The following SCAMP2 variants were observed in gnomAD, a reference collection of about 807,000 sequenced individuals.
SCAMP2 encodes secretory carrier-associated membrane protein 2.
SCAMP2 carries 25 observed loss-of-function variants against 44.1 expected under a neutral mutation model. The ratio of observed to expected loss-of-function variants is 0.57; its 90% CI spans 0.41 to 0.79. SCAMP2 has a LOEUF of 0.79. SCAMP2 is among the 30% of genes least tolerant of loss of function. SCAMP2 has a pLI of 0.00. For synonymous variants in SCAMP2, 156 were observed against 166.0 expected (o/e 0.94, Z 0.46); for missense variants, 355 against 411.0 (o/e 0.86, Z 1.18).
chr15:74,854,703 G>C, intron 1 of SCAMP2, 54 bp from the exon 2 acceptor site: 16 of 1,495,794 alleles, frequency 1.1e-5, no homozygotes, highest in Non-Finnish European at 1.4e-5. Context: ...CGGGCCAGGG[G>C]CCGGCAGGCG....
At chr15:74,871,968 C>A (rs1391435868) in intron 1 of SCAMP2, among the ~76,000 whole-genome samples, 1 of 150,910 alleles carries the variant, frequency 6.6e-6, no homozygotes, top group African/African-American at 2.4e-5. Flanking sequence ...TCACTTGAAC[C>A]CAGGAGGCTG....
chr15:74,872,980 T>A (rs1181687195), intron 1 of SCAMP2: 2 of 478,416 alleles, frequency 4.2e-6, no homozygotes, highest in Middle Eastern at 5.2e-4. Context: ...AAGACCCCAC[T>A]GTCTCCAACA....
chr15:74,869,357 C>T (rs2094894663), intron 1 of SCAMP2, among the ~76,000 whole-genome samples: 1 of 151,990 alleles, frequency 6.6e-6, no homozygotes, highest in Non-Finnish European at 1.5e-5. Context: ...AACAAAAGCA[C>T]AAGATCTGTA....
At chr15:74,850,470 G>T in intron 6 of SCAMP2, 44 bp downstream of exon 6, 1 of 1,586,936 alleles carries the variant, frequency 6.3e-7, no homozygotes, top group South Asian at 1.1e-5. Context: ...TGCTACCTGG[G>T]ATGCCAGCCA....
At chr15:74,849,029 G>A (rs1267775389) in intron 6 of SCAMP2, among the ~76,000 whole-genome samples, 2 of 152,040 alleles carry the variant, frequency 1.3e-5, no homozygotes, top group Admixed American at 6.6e-5. Context: ...ACTCCAGCCT[G>A]GGTGACAGAG....
intron 6 of SCAMP2, among the ~76,000 whole-genome samples, chr15:74,849,977 C>G (rs969940187): frequency 3.9e-5 from 6 of 152,296 alleles, no homozygotes; most frequent in South Asian, 4.1e-4. Flanking sequence ...ATCCCTCTTC[C>G]CAGGGCCTGC....
chr15:74,857,821 C>T (rs1243419582), intron 1 of SCAMP2, among the ~76,000 whole-genome samples: 1 of 152,206 alleles, frequency 6.6e-6, no homozygotes, highest in Non-Finnish European at 1.5e-5. Flanking sequence ...CAGCCATGTG[C>T]ATCTGTGTCT....
intron 7 of SCAMP2, 144 bp downstream of exon 7, chr15:74,848,456 C>G: frequency 1.7e-6 from 1 of 574,938 alleles, no homozygotes; most frequent in Non-Finnish European, 3.1e-6. Flanking sequence ...AGGCCCAAAG[C>G]AGATCCGAGC....
chr15:74,869,204 C>G (rs2064560751), intron 1 of SCAMP2, among the ~76,000 whole-genome samples: 1 of 152,012 alleles, frequency 6.6e-6, no homozygotes, highest in Non-Finnish European at 1.5e-5. Context: ...ATTCCCAAAC[C>G]TATTTGACCA....
intron 1 of SCAMP2, among the ~76,000 whole-genome samples, chr15:74,861,174 A>C (rs2064500815): frequency 6.6e-6 from 1 of 152,136 alleles, no homozygotes; most frequent in Admixed American, 6.6e-5. Context: ...GACTCAACTC[A>C]GGGAAAAATA....
chr15:74,848,741 G>A, intron 6 of SCAMP2, 40 bp from the exon 7 acceptor site: 7 of 1,446,872 alleles, frequency 4.8e-6, no homozygotes, highest in Non-Finnish European at 6.8e-6. Context: ...GAGGGCTTGG[G>A]CTGTGTTCCT....
At chr15:74,869,308 G>C (rs1003374528) in intron 1 of SCAMP2, among the ~76,000 whole-genome samples, 3 of 146,118 alleles carry the variant, frequency 2.1e-5, no homozygotes, top group Non-Finnish European at 4.5e-5. Flanking sequence ...TTCTCCAGTG[G>C]AAAAAAAAAA....
At chr15:74,865,715 G>A (rs552562677) in intron 1 of SCAMP2, among the ~76,000 whole-genome samples, 2 of 143,268 alleles carry the variant, frequency 1.4e-5, no homozygotes, top group East Asian at 4.3e-4. Context: ...ACTTTGGGAG[G>A]TTGAGGCAGG....
At chr15:74,862,595 A>C (rs901614478) in intron 1 of SCAMP2, among the ~76,000 whole-genome samples, 1 of 152,000 alleles carries the variant, frequency 6.6e-6, no homozygotes, top group African/African-American at 2.4e-5. Flanking sequence ...ATAAATAATT[A>C]ACAATGGTTG....
intron 1 of SCAMP2, among the ~76,000 whole-genome samples, chr15:74,858,195 C>G (rs1234706606): frequency 6.6e-6 from 1 of 152,080 alleles, no homozygotes; most frequent in Non-Finnish European, 1.5e-5. Context: ...CTACGGTGTG[C>G]CAAACTCACC....
At chr15:74,848,825 AG>A (rs1252564611) in intron 6 of SCAMP2, 124 bp from the exon 7 acceptor site, 6 of 657,178 alleles carry the variant, frequency 9.1e-6, no homozygotes, top group Non-Finnish European at 1.6e-5. Context: ...ACAGAGCTCC[AG>A]GGGCCCAGCC....
chr15:74,850,391 A>C, intron 6 of SCAMP2, 123 bp downstream of exon 6: 1 of 960,000 alleles, frequency 1.0e-6, no homozygotes, highest in Non-Finnish European at 1.6e-6. Flanking sequence ...ATGTAGGGAA[A>C]GTGGATTTCC....
intron 1 of SCAMP2, among the ~76,000 whole-genome samples, chr15:74,868,720 T>C (rs1469926480): frequency 1.3e-5 from 2 of 152,138 alleles, no homozygotes; most frequent in African/African-American, 2.4e-5. Context: ...TTTTTTGTAT[T>C]TGTTGTAGAG....
At chr15:74,862,428 T>C (rs1348632290) in intron 1 of SCAMP2, among the ~76,000 whole-genome samples, 1 of 151,618 alleles carries the variant, frequency 6.6e-6, no homozygotes, top group Non-Finnish European at 1.5e-5. Flanking sequence ...ATGCAAAAAT[T>C]AGCAGGGCAC....
Sources: gnomAD v4.1 joint callset for allele counts (sites outside exome capture counted in the v4.1 genomes callset) on GRCh38, gnomAD v4.1.1 for gene constraint, MANE v1.5 for transcripts, NCBI Gene and HGNC (gene_info 2026-07-23, HGNC 2026-07-21) for gene names.